Variants in KBTBD11 observed in about 807,000 individuals in gnomAD.
KBTBD11 encodes kelch repeat and BTB domain-containing protein 11.
For missense variants in KBTBD11, 1,390 were observed against 1,001.8 expected (o/e 1.39, Z -5.23); for synonymous variants, 747 against 499.0 (o/e 1.50, Z -6.63).
intron 1 of KBTBD11, among the ~76,000 whole-genome samples, chr8:1,978,392 C>T (rs528206802): frequency 4.6e-5 from 7 of 152,398 alleles, no homozygotes; most frequent in Admixed American, 4.6e-4. Flanking sequence ...AGGCCACTGA[C>T]TTGCTGCCTG....
At chr8:1,978,475 C>G (rs987690335) in intron 1 of KBTBD11, among the ~76,000 whole-genome samples, 1 of 152,252 alleles carries the variant, frequency 6.6e-6, no homozygotes, top group Non-Finnish European at 1.5e-5. Context: ...TCCCCTGTCA[C>G]TGTGTGACCG....
At chr8:1,977,972 A>G (rs1816406522) in intron 1 of KBTBD11, among the ~76,000 whole-genome samples, 1 of 152,216 alleles carries the variant, frequency 6.6e-6, no homozygotes. Context: ...TAAGCCATGC[A>G]CAGCTTAGTG....
Position 1,988,248 on chromosome 8 carries a change from C to G in KBTBD11, c.-908-12037C>G, listed in dbSNP as rs536635668. ...TTATAGTCCTTTGGGCATATACCCA[C>G]TAATGGGATGGCTGGGTCAAATGGT... On this transcript the variant is annotated intron_variant, in intron 1 of 1. Coordinates refer to ENST00000320248, the MANE Select transcript of KBTBD11 (RefSeq NM_014867.3). Among the ~76,000 whole-genome samples the G allele has an allele frequency of 7.6e-4, 116 of 152,330 alleles. 1 individual carries two copies. Among genetic ancestry groups the G allele is most frequent in the African/African-American group, 2.1e-3 (86 of 41,564 alleles).
At chr8:1,983,344 A>G (rs1292730188) in intron 1 of KBTBD11, among the ~76,000 whole-genome samples, 1 of 152,136 alleles carries the variant, frequency 6.6e-6, no homozygotes, top group Non-Finnish European at 1.5e-5. Flanking sequence ...GCCACCATAC[A>G]TCTGTCCCCA....
rs2129318039 is a variant in KBTBD11 at position 2,006,069 on chromosome 8, C to G, written c.*3005C>G. ...TCTGAGTCTGTGGAGGCACCGACTT[C>G]TGCTGTAAGAAAATGAATGTTGTGG... On this transcript the variant is annotated 3_prime_UTR_variant, in exon 2 of 2. Coordinates refer to ENST00000320248, the MANE Select transcript of KBTBD11 (RefSeq NM_014867.3). The G allele has an allele frequency of 6.0e-6, 1 of 167,190 alleles. No homozygotes were observed. Among genetic ancestry groups the G allele is most frequent in the South Asian group, 2.1e-4 (1 of 4,830 alleles). The allele number at this position is 167,190 out of a possible 1,614,324, so 10.4% of individuals were successfully genotyped here.
chr8:1,977,012 C>T (rs927636016), intron 1 of KBTBD11, among the ~76,000 whole-genome samples: 1 of 152,070 alleles, frequency 6.6e-6, no homozygotes, highest in African/African-American at 2.4e-5. Context: ...GGGCCACGAG[C>T]CACATGTGGC....
chr8:1,978,064 T>G (rs576673354), intron 1 of KBTBD11, among the ~76,000 whole-genome samples: 1 of 152,190 alleles, frequency 6.6e-6, no homozygotes, highest in African/African-American at 2.4e-5. Flanking sequence ...TAGGTAAACG[T>G]GTGCCATGGT....
chr8:1,986,247 A>G (rs1463621564), intron 1 of KBTBD11, among the ~76,000 whole-genome samples: 1 of 152,196 alleles, frequency 6.6e-6, no homozygotes, highest in Non-Finnish European at 1.5e-5. Flanking sequence ...TCTGAGTGGC[A>G]AGTACAAGCT....
At chr8:1,974,726 G>A (rs1816266895) in intron 1 of KBTBD11, 1 of 985,112 alleles carries the variant, frequency 1.0e-6, no homozygotes, top group Middle Eastern at 5.2e-4. Flanking sequence ...CTCCTCTCAG[G>A]CGGGGCTCAT....
At position 2,002,802 on chromosome 8, in the gene KBTBD11, G is replaced by T. The variant is rs1213060406; in HGVS notation, c.1610G>T (p.Cys537Phe). The part of the protein sequence containing the change: ...YHCLAKQWSP[C>F]VAPLRLPGGP... ...TGCCTGGCCAAGCAGTGGAGCCCGTGCGTCGCGCCCCTGCGCCTCCCCGGC... is the reference window on the plus strand; with the variant it reads ...TGCCTGGCCAAGCAGTGGAGCCCGTTCGTCGCGCCCCTGCGCCTCCCCGGC... Residue 537 changes from cysteine (C) to phenylalanine (F), a missense_variant, in exon 2 of 2, where the codon TGC (cysteine) becomes TTC (phenylalanine). Cys to Phe is a radical substitution (Grantham distance 205). Coordinates refer to ENST00000320248, the MANE Select transcript of KBTBD11 (RefSeq NM_014867.3). The surrounding 1 kb of genome is among the most constrained non-coding windows in gnomAD (Gnocchi z 4.1). The T allele has an allele frequency of 6.9e-7, 1 of 1,449,832 alleles. No homozygotes were observed. The highest frequency in any genetic ancestry group is 1.4e-5 in the South Asian group (1 of 72,752). The allele number at this position is 1,449,832 out of a possible 1,614,324, so 89.8% of individuals were successfully genotyped here.
chr8:1,993,375 G>T (rs200750566), intron 1 of KBTBD11, among the ~76,000 whole-genome samples: 1 of 124,408 alleles, frequency 8.0e-6, no homozygotes, highest in African/African-American at 3.4e-5. Flanking sequence ...CCGTCCGTCC[G>T]TCCGTCCGTC....
rs1817562461 is a variant in KBTBD11, at chr8:2,006,021, A to C, written c.*2957A>C. ...GCTTCCTGCAGCTTTGTAGAGCTGGATTTGGAACTTCGGGATTTGGTTTCT... is the reference window on the plus strand; with the variant it reads ...GCTTCCTGCAGCTTTGTAGAGCTGGCTTTGGAACTTCGGGATTTGGTTTCT... On this transcript the variant is annotated 3_prime_UTR_variant, in exon 2 of 2. Transcript: ENST00000320248. The C allele has an allele frequency of 6.0e-6, 1 of 167,026 alleles. No homozygotes were observed. The highest frequency in any genetic ancestry group is 1.5e-5 in the Non-Finnish European group (1 of 68,110). 10.3% of individuals were successfully genotyped at this position (167,026 alleles called of 1,614,324 possible).
In KBTBD11 at chr8:2,001,238, C is replaced by A; in HGVS notation, c.46C>A (p.Pro16Thr). Residue 16 changes from proline (P) to threonine (T), a missense_variant, in exon 2 of 2, where the codon CCC becomes ACC. By Grantham distance (38) the Pro-to-Thr change is conservative. Transcript: ENST00000320248. ...APCVLYPGTE[P>T]GAAGESESEG... is the part of the protein sequence containing the mutation. Reference sequence around the variant, plus strand: ...CTGCGTCCTCTACCCAGGGACTGAGCCCGGGGCTGCCGGGGAGAGCGAGAG... The same window carrying A: ...CTGCGTCCTCTACCCAGGGACTGAGACCGGGGCTGCCGGGGAGAGCGAGAG... 2 of 1,484,166 alleles carry A rather than the reference C, an allele frequency of 1.3e-6. No homozygotes were observed. Among genetic ancestry groups the A allele is most frequent in the South Asian group, 2.6e-5 (2 of 77,924 alleles). 91.9% of individuals were successfully genotyped at this position (1,484,166 alleles called of 1,614,324 possible). A position where few individuals can be genotyped will look rare whatever the true frequency, so the allele number is the denominator to read the frequency against.
chr8:2,003,105 C>T lies in KBTBD11; in HGVS notation c.*41C>T. On this transcript the variant is annotated 3_prime_UTR_variant, in exon 2 of 2. Transcript: ENST00000320248. ...GGGCGTCTCCCTCGGCAGGGGTTTGCGGGGCCCAGGTCCCTTTGGGCCCGC... is the reference window on the plus strand; with the variant it reads ...GGGCGTCTCCCTCGGCAGGGGTTTGTGGGGCCCAGGTCCCTTTGGGCCCGC... The T allele has an allele frequency of 2.4e-6, 3 of 1,257,378 alleles. No individual in the cohort carries two copies. The highest frequency in any genetic ancestry group is 3.2e-5 in the East Asian group (1 of 31,636). The allele number at this position is 1,257,378 out of a possible 1,614,324, so 77.9% of individuals were successfully genotyped here.
chr8:1,995,260 T>C (rs781073598), intron 1 of KBTBD11, among the ~76,000 whole-genome samples: 1 of 152,066 alleles, frequency 6.6e-6, no homozygotes, highest in Non-Finnish European at 1.5e-5. Context: ...AGTTTTCTTT[T>C]ATCCATGTAG....
chr8:1,974,003 G>A (rs1816217307), intron 1 of KBTBD11, 68 bp downstream of exon 1: 2 of 980,528 alleles, frequency 2.0e-6, no homozygotes, highest in South Asian at 4.7e-5. Flanking sequence ...CCGAGGCGCG[G>A]GTCGGAGGGG....
intron 1 of KBTBD11, chr8:1,975,772 T>A (rs1274654481): frequency 1.3e-5 from 2 of 152,228 alleles, no homozygotes; most frequent in African/African-American, 4.8e-5. Flanking sequence ...TGGGCCTAAC[T>A]TGAACCTCAG....
At chr8:1,974,602 C>T in intron 1 of KBTBD11, 1 of 984,924 alleles carries the variant, frequency 1.0e-6, no homozygotes, top group Non-Finnish European at 1.2e-6. Context: ...AGCACCGCGA[C>T]CCACCCGCCC....
intron 1 of KBTBD11, among the ~76,000 whole-genome samples, chr8:1,977,023 C>T (rs1204907832): frequency 6.6e-6 from 1 of 152,092 alleles, no homozygotes; most frequent in Non-Finnish European, 1.5e-5. Flanking sequence ...CACATGTGGC[C>T]CAGGACAGCT....
Sources: allele counts gnomAD v4.1 joint callset (sites outside exome capture counted in the v4.1 genomes callset), GRCh38; gene constraint gnomAD v4.1.1; non-coding constraint Gnocchi (gnomAD v3.1); transcripts MANE v1.5; gene names NCBI Gene and HGNC (gene_info 2026-07-23, HGNC 2026-07-21).